Variants in CCDC180 observed in about 807,000 individuals in gnomAD.
The protein encoded by CCDC180 is coiled-coil domain-containing protein 180.
CCDC180 carries 154 observed loss-of-function variants against 209.2 expected under a neutral mutation model. The observed-to-expected ratio is 0.74, with a 90% CI of 0.65 to 0.84. The LOEUF is 0.84. Among genes scored for constraint, CCDC180 ranks in the 40% least tolerant of loss-of-function variants. The probability of loss-of-function intolerance (pLI) is 0.00; values close to 1 mark genes in which losing one functional copy is unlikely to be tolerated. For synonymous variants in CCDC180, 778 were observed against 749.1 expected, an observed-to-expected ratio of 1.04 and a Z score of -0.63; for missense variants, 1,874 against 1,997.3, an observed-to-expected ratio of 0.94 and a Z score of 1.18.
chr9:97,318,984 C>T (rs970164876), intron 10 of CCDC180, among the ~76,000 whole-genome samples: 1 of 152,056 alleles, frequency 6.6e-6, no homozygotes, highest in East Asian at 1.9e-4. Flanking sequence ...GCTGGAGGCA[C>T]CTGTCGGAGG....
In CCDC180 at chr9:97,326,617, C is replaced by G; in HGVS notation, c.1609C>G (p.Leu537Val). 1 of 1,614,060 alleles carries G rather than the reference C, an allele frequency of 6.2e-7. No individual in the cohort carries two copies. The highest frequency in any genetic ancestry group is 1.1e-5 in the South Asian group (1 of 91,086). The change falls in exon 15 of 37, where the codon CTG (leucine) becomes GTG (valine). Residue 537 changes from leucine to valine, a missense_variant. Coordinates refer to ENST00000529487, the MANE Select transcript of CCDC180 (RefSeq NM_020893.6). ...GAGGCAGCAAAGTGACAAAGAAACA[C>G]TGGCGTTTCACCTGGAAAAGGTCAA... ...QLRQQSDKET[L>V]AFHLEKVKDY... is the part of the protein sequence containing the mutation.
intron 22 of CCDC180, among the ~76,000 whole-genome samples, chr9:97,351,406 C>T (rs752579560): frequency 2.0e-5 from 3 of 152,084 alleles, no homozygotes; most frequent in Non-Finnish European, 2.9e-5. Context: ...ATTTCCCTGA[C>T]GATTAATGCT....
rs1411121478 is a variant in CCDC180 at position 97,330,717 on chromosome 9, AAGG to A, written c.2230_2232del (p.Glu744del). Reference sequence around the variant, plus strand: ...GGAGGAGGAGAAGCTGGAGGAAGAGAAGGAGGAGAAGGAGGCACAGGAAGAGCA... The same window carrying A: ...GGAGGAGGAGAAGCTGGAGGAAGAGAAGGAGAAGGAGGCACAGGAAGAGCA... On this transcript the variant is annotated inframe_deletion, in exon 18 of 37. Coordinates refer to ENST00000529487, the MANE Select transcript of CCDC180 (RefSeq NM_020893.6). 1.2e-6 allele frequency: 2 copies of A among 1,604,518 alleles called. No homozygotes were observed. The highest frequency in any genetic ancestry group is 1.7e-6 in the Non-Finnish European group (2 of 1,179,012).
chr9:97,353,720 A>G (rs911995035), intron 22 of CCDC180, among the ~76,000 whole-genome samples: 1 of 152,182 alleles, frequency 6.6e-6, no homozygotes, highest in African/African-American at 2.4e-5. Flanking sequence ...TTGTAAATGT[A>G]TGTGAAGTCT....
Position 97,375,413 on chromosome 9 carries a change from G to A in CCDC180, c.4707-41G>A. 1.9e-6 allele frequency: 3 copies of A among 1,611,766 alleles called. No homozygotes were observed. In the East Asian group the frequency reaches 6.7e-5, roughly 36 times the overall value. ...GGTTGGTAGGTGGATTATGAAAGAT[G>A]AAGACAAGCCTGTGAGATTTTCACA... On this transcript the variant is annotated intron_variant, in intron 35 of 36. Coordinates refer to ENST00000529487, the MANE Select transcript of CCDC180 (RefSeq NM_020893.6).
At chr9:97,322,692 C>A in intron 11 of CCDC180, 141 bp from the exon 12 acceptor site, 1 of 690,766 alleles carries the variant, frequency 1.4e-6, no homozygotes, top group Non-Finnish European at 2.5e-6. Context: ...GGACCCCAGC[C>A]CCTGATCTCA....
At chr9:97,359,294 G>T (rs1826682456) in intron 25 of CCDC180, among the ~76,000 whole-genome samples, 1 of 152,182 alleles carries the variant, frequency 6.6e-6, no homozygotes, top group African/African-American at 2.4e-5. Context: ...CCCCTGCTCT[G>T]TCCTCTCCTG....
At chr9:97,347,719 C>T (rs1826306570) in intron 20 of CCDC180, 1 of 501,402 alleles carries the variant, frequency 2.0e-6, no homozygotes. Flanking sequence ...ATTTTTTTTT[C>T]AAGAGGGTGT....
intron 3 of CCDC180, among the ~76,000 whole-genome samples, chr9:97,311,722 G>A (rs1405885902): frequency 5.3e-5 from 8 of 152,318 alleles, no homozygotes. Flanking sequence ...AGGATGGGCT[G>A]CTGAAGGAGC....
At chr9:97,347,252 G>T (rs1826284260) in intron 19 of CCDC180, 62 bp from the exon 20 acceptor site, 6 of 1,494,572 alleles carry the variant, frequency 4.0e-6, no homozygotes, top group Non-Finnish European at 5.3e-6. Context: ...GTCTCCATAT[G>T]GAAAGACCTC....
rs756636722 is a variant in CCDC180, at chr9:97,343,365, A to G, written c.2300A>G (p.Glu767Gly). The change falls in exon 19 of 37, where the codon GAG becomes GGG. Residue 767 changes from glutamate to glycine, a missense_variant. Physicochemically the swap from Glu to Gly is moderately conservative, Grantham distance 98. Transcript: ENST00000529487. ...GEEEDKEEGL[E>G]EIYYEDMESF... ...GAAGAAGACAAGGAAGAGGGTCTAG[A>G]GGAGATATACTATGAGGACATGGAG... 6.2e-6 allele frequency: 10 copies of G among 1,611,710 alleles called. No individual in the cohort carries two copies. Among genetic ancestry groups the G allele is most frequent in the South Asian group, 1.1e-5 (1 of 91,034 alleles).
At chr9:97,368,312 G>A (rs529428478) in intron 31 of CCDC180, among the ~76,000 whole-genome samples, 1 of 152,312 alleles carries the variant, frequency 6.6e-6, no homozygotes, top group East Asian at 1.9e-4. Context: ...AGGGGCATTT[G>A]CTGACTCCCA....
At chr9:97,342,158 C>T (rs574089585) in intron 18 of CCDC180, among the ~76,000 whole-genome samples, 54 of 152,350 alleles carry the variant, frequency 3.5e-4, no homozygotes, top group African/African-American at 1.2e-3. Context: ...CGCCCTTCTT[C>T]GGCTCACCCT....
At chr9:97,359,940 A>G in intron 25 of CCDC180, 42 bp from the exon 26 acceptor site, 1 of 1,610,012 alleles carries the variant, frequency 6.2e-7, no homozygotes, top group Non-Finnish European at 8.5e-7. Context: ...ACCCTCCTGC[A>G]GTCTGCTTCC....
intron 19 of CCDC180, among the ~76,000 whole-genome samples, chr9:97,346,129 C>A (rs1276441183): frequency 3.3e-5 from 5 of 152,174 alleles, no homozygotes; most frequent in Non-Finnish European, 7.3e-5. Context: ...AGGAGACTCT[C>A]CTCTCCCCCA....
chr9:97,369,907 C>G lies in CCDC180; in HGVS notation c.4190-15C>G, dbSNP rs1425889892. 6.2e-7 allele frequency: 1 copy of G among 1,613,820 alleles called. No individual in the cohort carries two copies. On this transcript the variant is annotated splice_polypyrimidine_tract_variant and intron_variant, in intron 31 of 36. Transcript: ENST00000529487. ...TCTGTTCCCTCCCTTGGCCTCTTAC[C>G]CGCACTTCTGGCAGAATTACGGATC...
chr9:97,362,697 A>G (rs1168067232), intron 28 of CCDC180, among the ~76,000 whole-genome samples: 1 of 150,468 alleles, frequency 6.6e-6, no homozygotes, highest in Non-Finnish European at 1.5e-5. Flanking sequence ...TTTCCTGGAG[A>G]GACATCACAG....
At chr9:97,324,026 T>C in intron 13 of CCDC180, 123 bp downstream of exon 13, 1 of 1,198,010 alleles carries the variant, frequency 8.3e-7, no homozygotes. Context: ...CGCTCACCCT[T>C]GTCAGCCCCT....
At chr9:97,350,646 AAAT>A (rs1366856032) in intron 22 of CCDC180, 91 bp downstream of exon 22, 6 of 1,334,184 alleles carry the variant, frequency 4.5e-6, no homozygotes, top group Non-Finnish European at 6.1e-6. Flanking sequence ...AGTTTTGACA[AAAT>A]AAACGTAACA....
Sources: gnomAD v4.1 joint callset for allele counts (sites outside exome capture counted in the v4.1 genomes callset) on GRCh38, gnomAD v4.1.1 for gene constraint, MANE v1.5 for transcripts, NCBI Gene and HGNC (gene_info 2026-07-23, HGNC 2026-07-21) for gene names.